The following KDM4A variants were observed in gnomAD, a reference collection of about 807,000 sequenced individuals.
KDM4A encodes lysine-specific demethylase 4A.
Under a neutral mutation model 127.1 loss-of-function variants are expected in KDM4A, and 23 were observed. The observed-to-expected ratio is 0.18, with a 90% CI of 0.13 to 0.26. KDM4A has a LOEUF of 0.26. Among genes scored for constraint, KDM4A ranks in the 10% least tolerant of loss-of-function variants. The probability of loss-of-function intolerance (pLI) is 1.00; values close to 1 mark genes in which losing one functional copy is unlikely to be tolerated. For synonymous variants in KDM4A, 443 were observed against 466.5 expected, an observed-to-expected ratio of 0.95 and a Z score of 0.65; for missense variants, 890 against 1,329.1, an observed-to-expected ratio of 0.67 and a Z score of 5.14.
chr1:43,662,924 A>G lies in KDM4A; in HGVS notation c.460A>G (p.Arg154Gly). 6.2e-7 allele frequency: 1 copy of G among 1,613,612 alleles called. No homozygotes were observed. Among genetic ancestry groups the G allele is most frequent in the Non-Finnish European group, 8.5e-7 (1 of 1,179,740 alleles). The stretch of plus-strand genomic sequence containing the variant: ...TGATGAGTGGAATATTGGCCGGCTG[A>G]GAACAATCCTGGACTTGGTGGAAAA... Reference protein sequence around the residue: ...HVDEWNIGRLRTILDLVEKES... With the variant: ...HVDEWNIGRLGTILDLVEKES... The change falls in exon 5 of 22, where the codon AGA (arginine) becomes GGA (glycine). Residue 154 changes from arginine (R) to glycine (G), a missense_variant. Arg to Gly is a moderately radical substitution (Grantham distance 125). Around this residue, in one of 7 missense-constraint regions of KDM4A, gnomAD observed 141 missense variants for 273.5 expected, o/e 0.52. Coordinates refer to ENST00000372396, the MANE Select transcript of KDM4A (RefSeq NM_014663.3).
rs191578502 is a variant in KDM4A at position 43,666,840 on chromosome 1, A to C, written c.778-114A>C. The stretch of plus-strand genomic sequence containing the variant: ...TTTTATAGAAGACAGCAAGGACCCC[A>C]GGGGTTTTATGACTTACCCTTTGTT... On this transcript the variant is annotated intron_variant, in intron 7 of 21. Coordinates refer to ENST00000372396, the MANE Select transcript of KDM4A (RefSeq NM_014663.3). The C allele has an allele frequency of 6.6e-3, 6,775 of 1,028,368 alleles. 33 individuals are homozygous for C. The highest frequency in any genetic ancestry group is 8.3e-3 in the Non-Finnish European group (5,598 of 677,704). 63.7% of individuals were successfully genotyped at this position (1,028,368 alleles called of 1,614,324 possible). A position where few individuals can be genotyped will look rare whatever the true frequency, so the allele number is the denominator to read the frequency against.
chr1:43,654,530 T>C (rs1660191655), intron 2 of KDM4A, among the ~76,000 whole-genome samples: 1 of 152,122 alleles, frequency 6.6e-6, no homozygotes, highest in Non-Finnish European at 1.5e-5. Flanking sequence ...ATTCAACTCA[T>C]TCTTCTTTTT....
intron 15 of KDM4A, 56 bp downstream of exon 15, chr1:43,691,628 G>A (rs908367118): frequency 6.8e-7 from 1 of 1,464,534 alleles, no homozygotes. Context: ...CATATTCAGG[G>A]CCAGACGATT....
At chr1:43,679,990 C>T (rs1167826600) in intron 11 of KDM4A, among the ~76,000 whole-genome samples, 2 of 152,152 alleles carry the variant, frequency 1.3e-5, no homozygotes, top group African/African-American at 2.4e-5. Context: ...GGTGGGGCTG[C>T]TACTCATCCA....
chr1:43,694,615 C>T lies in KDM4A; in HGVS notation c.2485-94C>T. On this transcript the variant is annotated intron_variant, in intron 17 of 21. Transcript: ENST00000372396. This position sits in a 1 kb window ranked among gnomAD's most constrained non-coding sequence, Gnocchi z 5.2. The stretch of plus-strand genomic sequence containing the variant: ...CTTGTATTTTGGGAAGGGGCTGGCT[C>T]TTGCTTGCTTGGCTTTGCATTTGGG... 4.5e-6 allele frequency: 5 copies of T among 1,120,350 alleles called. No homozygotes were observed. In the South Asian group the frequency reaches 7.2e-5, roughly 16 times the overall value. 69.4% of individuals were successfully genotyped at this position (1,120,350 alleles called of 1,614,324 possible).
chr1:43,697,831 G>GTT lies in KDM4A; in HGVS notation c.2671-6_2671-5dup. 6.2e-7 allele frequency: 1 copy of GTT among 1,609,828 alleles called. No individual in the cohort carries two copies. The highest frequency in any genetic ancestry group is 8.5e-7 in the Non-Finnish European group (1 of 1,178,076). On this transcript the variant is annotated splice_polypyrimidine_tract_variant and intron_variant, in intron 18 of 21. Transcript: ENST00000372396. ...CCACGTGTGAGTAACCAAAGCCTCTGTTTTTTTCCAGCGTGCCAAGGGGGC... is the reference window on the plus strand; with the variant it reads ...CCACGTGTGAGTAACCAAAGCCTCTGTTTTTTTTTCCAGCGTGCCAAGGGGGC...
In KDM4A at chr1:43,688,922, G is replaced by T; in HGVS notation, c.1864G>T (p.Glu622Ter). The change falls in exon 13 of 22, where the codon GAA (glutamate) becomes TAA (stop). Residue 622 changes from glutamate to a stop codon, truncating the protein, a stop_gained. Transcript: ENST00000372396. LOFTEE classifies it high-confidence loss of function. This position sits in a 1 kb window ranked among gnomAD's most constrained non-coding sequence, Gnocchi z 4.4. The stretch of plus-strand genomic sequence containing the variant: ...TCTGTTTCCTCCTCTAGAGACATCT[G>T]AACAGCTGACCCCTGAGGAAGAGGC... Reference protein sequence around the residue: ...QECVSDDETSEQLTPEEEAEE... With the variant: ...QECVSDDETS 6.2e-7 allele frequency: 1 copy of T among 1,613,980 alleles called. No individual in the cohort carries two copies. The highest frequency in any genetic ancestry group is 1.1e-5 in the South Asian group (1 of 91,034).
In KDM4A at chr1:43,703,527, G is replaced by A. The variant is rs1367814815; in HGVS notation, c.2842-90G>A. On this transcript the variant is annotated intron_variant, in intron 19 of 21. Coordinates refer to ENST00000372396, the MANE Select transcript of KDM4A (RefSeq NM_014663.3). ...CCTTGCTCTCTAAAACAGTTACTTTGTCCTGGTTCACTCTTCCCTGAGTAG... is the reference window on the plus strand; with the variant it reads ...CCTTGCTCTCTAAAACAGTTACTTTATCCTGGTTCACTCTTCCCTGAGTAG... 4 of 1,506,246 alleles carry A rather than the reference G, an allele frequency of 2.7e-6. 1 individual carries two copies. Among genetic ancestry groups the A allele is most frequent in the Non-Finnish European group, 3.6e-6 (4 of 1,102,916 alleles). 93.3% of individuals were successfully genotyped at this position (1,506,246 alleles called of 1,614,324 possible). A position where few individuals can be genotyped will look rare whatever the true frequency, so the allele number is the denominator to read the frequency against.
chr1:43,686,153 T>TTC (rs1660970880), intron 12 of KDM4A, among the ~76,000 whole-genome samples: 1 of 72,370 alleles, frequency 1.4e-5, no homozygotes, highest in African/African-American at 6.5e-5. Flanking sequence ...TGTTTCTTGT[T>TTC]TTTTTTTTTT....
At chr1:43,696,110 T>G (rs928036518) in intron 18 of KDM4A, among the ~76,000 whole-genome samples, 1 of 152,188 alleles carries the variant, frequency 6.6e-6, no homozygotes, top group African/African-American at 2.4e-5. Context: ...GAAACTGGGC[T>G]CTGGAGATTC....
Position 43,694,715 on chromosome 1 carries a change from A to G in KDM4A, c.2491A>G (p.Ile831Val). 6.2e-7 allele frequency: 1 copy of G among 1,608,898 alleles called. No individual in the cohort carries two copies. Among genetic ancestry groups the G allele is most frequent in the Non-Finnish European group, 8.5e-7 (1 of 1,175,604 alleles). ...IPLPRFKLKC[I>V]FCKKRRKRTA... Reference sequence around the variant, plus strand: ...TTCTTCCCCTGTGCTACAGAAATGTATCTTCTGTAAGAAGCGGAGGAAAAG... The same window carrying G: ...TTCTTCCCCTGTGCTACAGAAATGTGTCTTCTGTAAGAAGCGGAGGAAAAG... Residue 831 changes from isoleucine to valine, a missense_variant, in exon 18 of 22, where the codon ATC becomes GTC. Around this residue, in one of 7 missense-constraint regions of KDM4A, gnomAD observed 246 missense variants for 418.4 expected, o/e 0.59. Transcript: ENST00000372396. The surrounding 1 kb of genome is among the most constrained non-coding windows in gnomAD (Gnocchi z 5.2).
intron 12 of KDM4A, among the ~76,000 whole-genome samples, chr1:43,684,913 A>G (rs920865284): frequency 2.0e-5 from 3 of 152,200 alleles, no homozygotes; most frequent in Non-Finnish European, 4.4e-5. Context: ...GATAAAATCA[A>G]CTGGATTTGG....
intron 2 of KDM4A, among the ~76,000 whole-genome samples, chr1:43,654,550 G>T (rs1660192320): frequency 6.9e-6 from 1 of 144,752 alleles, no homozygotes. Flanking sequence ...TTCTCATGTC[G>T]ACTGTCTTGT....
rs773941515 is a variant in KDM4A at position 43,690,814 on chromosome 1, A to G, written c.2038-31A>G. ...AAGCTAAGAGCATAGGCACGTGCTCACTGAGGTGTACACTTGTTCTTTCCC... is the reference window on the plus strand; with the variant it reads ...AAGCTAAGAGCATAGGCACGTGCTCGCTGAGGTGTACACTTGTTCTTTCCC... On this transcript the variant is annotated intron_variant, in intron 13 of 21. Coordinates refer to ENST00000372396, the MANE Select transcript of KDM4A (RefSeq NM_014663.3). 5 of 1,601,772 alleles carry G rather than the reference A, an allele frequency of 3.1e-6. No individual in the cohort carries two copies. In the East Asian group the frequency reaches 1.1e-4, roughly 36 times the overall value.
rs75258831 is a variant in KDM4A, at chr1:43,701,494, T to C, written c.2842-2123T>C. On this transcript the variant is annotated intron_variant, in intron 19 of 21. Coordinates refer to ENST00000372396, the MANE Select transcript of KDM4A (RefSeq NM_014663.3). Reference sequence around the variant, plus strand: ...ACTTTTTTCTTTTTTTAAATTTTCATAGAGTTTTTTAAAGACAGGGTCCTG... The same window carrying C: ...ACTTTTTTCTTTTTTTAAATTTTCACAGAGTTTTTTAAAGACAGGGTCCTG... Among the ~76,000 whole-genome samples, 491 of 152,274 alleles carry C rather than the reference T, an allele frequency of 3.2e-3. 5 individuals carry two copies. Among genetic ancestry groups the C allele is most frequent in the African/African-American group, 0.011 (470 of 41,554 alleles).
rs760483832 is a variant in KDM4A, at chr1:43,683,739, G to A, written c.1790G>A (p.Arg597His). The change falls in exon 12 of 22, where the codon CGT becomes CAT. Residue 597 changes from arginine (R) to histidine (H), a missense_variant. Coordinates refer to ENST00000372396, the MANE Select transcript of KDM4A (RefSeq NM_014663.3). ...GAGAATAAGAAGTCCAAGGGACGCCGTCAGCCTTTAAGCAAGCTCCCCCGC... is the reference window on the plus strand; with the variant it reads ...GAGAATAAGAAGTCCAAGGGACGCCATCAGCCTTTAAGCAAGCTCCCCCGC... The part of the protein sequence containing the change: ...LEENKKSKGR[R>H]QPLSKLPRHH... The A allele has an allele frequency of 1.6e-5, 26 of 1,613,946 alleles. No homozygotes were observed. Among genetic ancestry groups the A allele is most frequent in the Admixed American group, 3.3e-5 (2 of 59,984 alleles).
chr1:43,654,161 G>C (rs1192462635), intron 2 of KDM4A, among the ~76,000 whole-genome samples: 2 of 152,232 alleles, frequency 1.3e-5, no homozygotes, highest in East Asian at 3.8e-4. Context: ...GAATAGCAGG[G>C]CCTGCAGTGC....
chr1:43,652,815 T>C (rs1359783083), intron 1 of KDM4A, among the ~76,000 whole-genome samples: 1 of 151,832 alleles, frequency 6.6e-6, no homozygotes, highest in African/African-American at 2.4e-5. Context: ...CCCGAGTAGC[T>C]AGGATTGCAG....
intron 11 of KDM4A, among the ~76,000 whole-genome samples, chr1:43,676,671 T>C (rs1205958165): frequency 6.6e-6 from 1 of 152,168 alleles, no homozygotes; most frequent in African/African-American, 2.4e-5. Context: ...TTGCTTTGTT[T>C]GTCCTGTTTT....
Sources: allele counts gnomAD v4.1 joint callset (sites outside exome capture counted in the v4.1 genomes callset), GRCh38; gene constraint gnomAD v4.1.1; regional missense constraint gnomAD v4.1.1; non-coding constraint Gnocchi (gnomAD v3.1); transcripts MANE v1.5; gene names NCBI Gene and HGNC (gene_info 2026-07-23, HGNC 2026-07-21).